The following DPP6 variants were observed in gnomAD, a reference collection of about 807,000 sequenced individuals.
DPP6 encodes the protein dipeptidyl peptidase like 6, also known as A-type potassium channel modulatory protein DPP6.
A neutral mutation model predicts 122.6 loss-of-function variants in DPP6; 69 were observed. That is an observed-to-expected ratio of 0.56 (90% CI 0.46 to 0.69). The LOEUF is 0.69. Ranked by LOEUF, DPP6 falls within the 30% of genes least tolerant of loss-of-function variation. The probability of loss-of-function intolerance (pLI) is 0.00; values close to 1 mark genes in which losing one functional copy is unlikely to be tolerated. For synonymous variants in DPP6, 418 were observed against 433.1 expected (o/e 0.97, Z 0.43); for missense variants, 928 against 1,116.9 (o/e 0.83, Z 2.41).
chr7:153,961,796 C>T lies in DPP6; in HGVS notation c.51+74062C>T, dbSNP rs1159747620. ...TTGGATTCTCATAAGGAGCTGACAA[C>T]CTAGATCCCTCAGTTCACAGTAGGG... On this transcript the variant is annotated intron_variant, in intron 1 of 25. Transcript: ENST00000404039. 5.6e-5 allele frequency among the ~76,000 whole-genome samples: 3 copies of T among 53,110 alleles called. 1 individual carries two copies. Among genetic ancestry groups the T allele is most frequent in the Admixed American group, 4.2e-4 (2 of 4,712 alleles). The allele number at this position is 53,110 out of a possible 152,430, so 34.8% of individuals were successfully genotyped here. A position where few individuals can be genotyped will look rare whatever the true frequency, so the allele number is the denominator to read the frequency against.
intron 1 of DPP6, among the ~76,000 whole-genome samples, chr7:154,219,275 A>G (rs1800172149): frequency 6.6e-6 from 1 of 152,206 alleles, no homozygotes; most frequent in East Asian, 1.9e-4. Flanking sequence ...TTCATCTCCA[A>G]GGATAAGATT....
chr7:153,946,693 G>C (rs187188217), intron 1 of DPP6, among the ~76,000 whole-genome samples: 58 of 152,194 alleles, frequency 3.8e-4, no homozygotes, highest in African/African-American at 1.2e-3. Flanking sequence ...TGGTTCAAAC[G>C]CCTCTGACAT....
chr7:153,748,979 G>T, the DPP6 span, among the ~76,000 whole-genome samples: 1 of 152,066 alleles, frequency 6.6e-6, no homozygotes, highest in Non-Finnish European at 1.5e-5. Flanking sequence ...CTCCAATAGC[G>T]TCAGGTGTCC....
At chr7:154,049,304 T>TTGTGTG (rs66669803), upstream of DPP6, among the ~76,000 whole-genome samples, 370 of 122,026 alleles carry the variant, frequency 3.0e-3, 4 homozygotes, top group African/African-American at 0.011. Flanking sequence ...TTTTCCTTGT[T>TTGTGTG]TGTGTGTGTG....
chr7:153,866,367 TC>T, the DPP6 span, among the ~76,000 whole-genome samples: 5 of 152,210 alleles, frequency 3.3e-5, no homozygotes, highest in Admixed American at 6.5e-5. Flanking sequence ...AGATGGTATC[TC>T]ATTGTGGTTT....
chr7:153,810,375 T>C, the DPP6 span, among the ~76,000 whole-genome samples: 1 of 152,124 alleles, frequency 6.6e-6, no homozygotes, highest in Admixed American at 6.5e-5. Flanking sequence ...TATAAAATAC[T>C]AGACAGGAAT....
intron 1 of DPP6, chr7:154,095,069 C>T (rs1315435190): frequency 2.6e-5 from 4 of 152,120 alleles, no homozygotes; most frequent in Admixed American, 2.0e-4. Flanking sequence ...GGGTTGCTGT[C>T]TGTTGTTTCA....
chr7:153,894,468 C>T (rs977398998), intron 1 of DPP6, among the ~76,000 whole-genome samples: 3 of 152,088 alleles, frequency 2.0e-5, no homozygotes, highest in African/African-American at 7.2e-5. Flanking sequence ...ATTGTGGCTT[C>T]CTGGGATGAT....
intron 1 of DPP6, among the ~76,000 whole-genome samples, chr7:154,182,863 C>A (rs1257415918): frequency 1.3e-5 from 2 of 152,166 alleles, no homozygotes; most frequent in Non-Finnish European, 2.9e-5. Context: ...CCCTCACAGC[C>A]TGGCCTTTGA....
At chr7:154,439,083 C>T (rs1819145581) in intron 1 of DPP6, among the ~76,000 whole-genome samples, 1 of 152,178 alleles carries the variant, frequency 6.6e-6, no homozygotes, top group Admixed American at 6.6e-5. Flanking sequence ...TAGTCTCTGC[C>T]ATTCAATTGC....
intron 1 of DPP6, among the ~76,000 whole-genome samples, chr7:153,998,126 A>G (rs947036574): frequency 4.0e-5 from 6 of 151,870 alleles, no homozygotes; most frequent in African/African-American, 1.5e-4. Flanking sequence ...TTAGGAAAAT[A>G]AGACCAAAAA....
chr7:154,453,068 C>T (rs962204338), intron 2 of DPP6, among the ~76,000 whole-genome samples: 4 of 152,132 alleles, frequency 2.6e-5, no homozygotes, highest in African/African-American at 9.7e-5. Flanking sequence ...CTTTTGTTAG[C>T]AGCTACAGTT....
intron 1 of DPP6, among the ~76,000 whole-genome samples, chr7:154,237,472 C>T (rs1801292103): frequency 1.3e-5 from 2 of 152,132 alleles, no homozygotes; most frequent in East Asian, 1.9e-4. Context: ...TCATCTGGGC[C>T]CCAATGAGCT....
Position 154,043,499 on chromosome 7 carries a change from A to G in DPP6, c.51+155765A>G, listed in dbSNP as rs1172911764. ...AGTATACCACCCGAGGATCAGTATT[A>G]TAACCAGGTATCTTATTGGAAGTCT... On this transcript the variant is annotated intron_variant, in intron 1 of 25. Coordinates refer to the DPP6 transcript ENST00000404039. 4.2e-5 allele frequency among the ~76,000 whole-genome samples: 6 copies of G among 144,474 alleles called. No homozygotes were observed. In the Admixed American group the frequency reaches 4.3e-4, roughly 10 times the overall value. 94.8% of individuals were successfully genotyped at this position (144,474 alleles called of 152,430 possible).
intron 1 of DPP6, among the ~76,000 whole-genome samples, chr7:153,972,711 G>A (rs1251830062): frequency 6.6e-6 from 1 of 152,022 alleles, no homozygotes; most frequent in Non-Finnish European, 1.5e-5. Context: ...ACTAATACTG[G>A]GAACTGCCAA....
At chr7:154,534,658 A>G (rs532671889) in intron 3 of DPP6, among the ~76,000 whole-genome samples, 44 of 152,166 alleles carry the variant, frequency 2.9e-4, no homozygotes, top group Non-Finnish European at 4.6e-4. Flanking sequence ...TAAATTATTA[A>G]AAAGAAATTC....
chr7:154,472,132 A>G (rs963948331), intron 2 of DPP6, among the ~76,000 whole-genome samples: 2 of 152,226 alleles, frequency 1.3e-5, no homozygotes. Context: ...GTATGAGATA[A>G]TTACTGGTAG....
intron 16 of DPP6, 62 bp downstream of exon 16, chr7:154,807,174 T>C (rs1587204095): frequency 2.6e-6 from 4 of 1,557,490 alleles, no homozygotes; most frequent in Admixed American, 3.4e-5. Flanking sequence ...AGGGAGGGGG[T>C]GGGCACACTT....
chr7:154,502,067 C>T (rs1400724921), intron 3 of DPP6, among the ~76,000 whole-genome samples: 2 of 152,128 alleles, frequency 1.3e-5, no homozygotes, highest in African/African-American at 4.8e-5. Context: ...AGATTTTGGA[C>T]TTGCATGGGT....
Sources: allele counts gnomAD v4.1 joint callset (sites outside exome capture counted in the v4.1 genomes callset), GRCh38; gene constraint gnomAD v4.1.1; transcripts MANE v1.5; gene names NCBI Gene and HGNC (gene_info 2026-07-23, HGNC 2026-07-21).